TOX: variants seen among roughly 807,000 people sequenced by gnomAD.
The protein encoded by TOX is thymocyte selection-associated high mobility group box protein TOX.
Under a neutral mutation model 53.7 loss-of-function variants are expected in TOX, and 11 were observed. The observed-to-expected ratio is 0.20, with a 90% CI of 0.13 to 0.34. TOX has a LOEUF of 0.34. Among genes scored for constraint, TOX ranks in the 10% least tolerant of loss-of-function variants. The pLI, the probability that TOX is intolerant of heterozygous loss-of-function variation, is 1.00. For synonymous variants in TOX, 225 were observed against 245.3 expected (o/e 0.92, Z 0.77); for missense variants, 570 against 664.6 (o/e 0.86, Z 1.56).
chr8:58,843,665 T>C (rs886523015), intron 4 of TOX, among the ~76,000 whole-genome samples: 2 of 152,222 alleles, frequency 1.3e-5, no homozygotes, highest in African/African-American at 4.8e-5. Flanking sequence ...CTATGAAATA[T>C]AAAGCTGTTT....
intron 1 of TOX, among the ~76,000 whole-genome samples, chr8:59,026,931 C>T (rs1275740892): frequency 6.6e-6 from 1 of 151,566 alleles, no homozygotes; most frequent in Non-Finnish European, 1.5e-5. Flanking sequence ...AACCAGTGTC[C>T]CTGTGATTAG....
chr8:58,961,534 T>G (rs1282952812), intron 1 of TOX, among the ~76,000 whole-genome samples: 6 of 147,482 alleles, frequency 4.1e-5, no homozygotes, highest in African/African-American at 1.2e-4. Context: ...GGTGAACTCT[T>G]TTTTTTTTTT....
intron 2 of TOX, among the ~76,000 whole-genome samples, chr8:58,948,123 G>C (rs1228602186): frequency 6.6e-6 from 1 of 152,188 alleles, no homozygotes; most frequent in Non-Finnish European, 1.5e-5. Flanking sequence ...GAGAATGTCT[G>C]ACACTGGCTC....
chr8:59,076,593 CTAATA>C (rs1392743780), intron 1 of TOX, among the ~76,000 whole-genome samples: 5 of 152,238 alleles, frequency 3.3e-5, no homozygotes, highest in African/African-American at 1.2e-4. Flanking sequence ...TACAATGTGA[CTAATA>C]TAATGGTTAT....
At chr8:58,815,229 T>G in intron 7 of TOX, 109 bp downstream of exon 7, 2 of 1,393,318 alleles carry the variant, frequency 1.4e-6, no homozygotes, top group Middle Eastern at 5.4e-4. Context: ...AATAGAAGGA[T>G]AGAAAACACA....
intron 3 of TOX, among the ~76,000 whole-genome samples, chr8:58,881,844 A>C (rs1321294495): frequency 6.6e-6 from 1 of 152,206 alleles, no homozygotes. Flanking sequence ...ATTATCATGA[A>C]ATGTGATTAC....
At chr8:58,969,655 A>T (rs1283731065) in intron 1 of TOX, among the ~76,000 whole-genome samples, 2 of 152,100 alleles carry the variant, frequency 1.3e-5, no homozygotes, top group African/African-American at 4.8e-5. Context: ...TGTATTTCAG[A>T]TTTTCAGTTC....
chr8:59,027,665 T>C (rs906941156), intron 1 of TOX, among the ~76,000 whole-genome samples: 1 of 152,128 alleles, frequency 6.6e-6, no homozygotes, highest in African/African-American at 2.4e-5. Flanking sequence ...AATCTGATTT[T>C]TTACGGACTT....
At chr8:58,881,772 A>G (rs1369665266) in intron 3 of TOX, among the ~76,000 whole-genome samples, 1 of 150,494 alleles carries the variant, frequency 6.6e-6, no homozygotes, top group Non-Finnish European at 1.5e-5. Context: ...CTTAAAGTCT[A>G]GTTTAGGAAA....
At chr8:58,939,198 G>T in intron 3 of TOX, 104 bp downstream of exon 3, 1 of 1,412,924 alleles carries the variant, frequency 7.1e-7, no homozygotes, top group Non-Finnish European at 9.7e-7. Flanking sequence ...GCTAGAAACA[G>T]TTTCAGAATG....
intron 1 of TOX, among the ~76,000 whole-genome samples, chr8:58,965,904 T>TTTG (rs1178682766): frequency 4.2e-5 from 6 of 144,542 alleles, no homozygotes; most frequent in African/African-American, 1.5e-4. Flanking sequence ...GTTTTTTTTT[T>TTTG]TTTTTTTTTT....
chr8:58,981,504 G>T (rs1813205535), intron 1 of TOX, among the ~76,000 whole-genome samples: 6 of 151,604 alleles, frequency 4.0e-5, no homozygotes, highest in Admixed American at 3.9e-4. Flanking sequence ...ACATAATATT[G>T]CCAGAAATAA....
intron 1 of TOX, among the ~76,000 whole-genome samples, chr8:59,083,121 T>C (rs1804439829): frequency 6.6e-6 from 1 of 151,978 alleles, no homozygotes; most frequent in Admixed American, 6.6e-5. Context: ...AGGAAAGGAA[T>C]CCCAAGAAGA....
rs531846118 is a variant in TOX at position 58,887,334 on chromosome 8, A to G, written c.412-35529T>C. Among the ~76,000 whole-genome samples, 5 of 152,022 alleles carry G rather than the reference A, an allele frequency of 3.3e-5. No homozygotes were observed. The East Asian group carries it at 9.6e-4, about 29-fold the overall frequency. ...ACTCACTTCATACAAGAAAGGTTGCAGTTTTACTTTTTCCCCTGATGTTTT... is the reference window on the plus strand; with the variant it reads ...ACTCACTTCATACAAGAAAGGTTGCGGTTTTACTTTTTCCCCTGATGTTTT... On this transcript the variant is annotated intron_variant, in intron 3 of 8. Transcript: ENST00000361421.
intron 6 of TOX, among the ~76,000 whole-genome samples, chr8:58,821,824 T>C (rs1810281418): frequency 6.6e-6 from 1 of 152,212 alleles, no homozygotes; most frequent in Non-Finnish European, 1.5e-5. Context: ...ATCTTCTCTG[T>C]TTAACATTTG....
Position 58,808,270 on chromosome 8 carries a change from CT to C in TOX, c.1393-2del. 6.2e-7 allele frequency: 1 copy of C among 1,601,944 alleles called. No homozygotes were observed. Among genetic ancestry groups the C allele is most frequent in the Non-Finnish European group, 8.5e-7 (1 of 1,176,116 alleles). On this transcript the variant is annotated splice_acceptor_variant, in intron 7 of 8. Transcript: ENST00000361421. LOFTEE classifies it high-confidence loss of function. ...GATAGTCGGGTTGAAGAGTAAATCC[CT>C]GAAAGGGAAAGCAAGTCCGCAAATA... is the stretch of plus-strand genomic sequence containing the variant.
chr8:58,873,764 G>A (rs933571091), intron 3 of TOX, among the ~76,000 whole-genome samples: 4 of 151,898 alleles, frequency 2.6e-5, no homozygotes, highest in African/African-American at 9.7e-5. Context: ...TTTGGAAGAT[G>A]GTTAGTAGAA....
At chr8:59,102,773 G>T (rs1270439239) in intron 1 of TOX, among the ~76,000 whole-genome samples, 1 of 152,106 alleles carries the variant, frequency 6.6e-6, no homozygotes, top group Non-Finnish European at 1.5e-5. Flanking sequence ...AATTATGTCT[G>T]CCTGTGGTGG....
intron 1 of TOX, among the ~76,000 whole-genome samples, chr8:58,979,441 A>G (rs1813160853): frequency 6.6e-6 from 1 of 152,210 alleles, no homozygotes; most frequent in Non-Finnish European, 1.5e-5. Context: ...CAGATATTTC[A>G]AACCAACAAA....
Sources: gnomAD v4.1 joint callset for allele counts (sites outside exome capture counted in the v4.1 genomes callset) on GRCh38, gnomAD v4.1.1 for gene constraint, MANE v1.5 for transcripts, NCBI Gene and HGNC (gene_info 2026-07-23, HGNC 2026-07-21) for gene names.